Variants in AKT3 observed in about 807,000 individuals in gnomAD.
The protein encoded by AKT3 is RAC-gamma serine/threonine-protein kinase.
In AKT3, 15 loss-of-function variants were observed where a neutral mutation model predicts 65.3. The ratio of observed to expected loss-of-function variants is 0.23; its 90% confidence interval spans 0.15 to 0.35. AKT3 has a LOEUF of 0.35. Ranked by LOEUF, AKT3 falls within the 10% of genes least tolerant of loss-of-function variation. The pLI is 1.00. For synonymous variants in AKT3, 206 were observed against 183.8 expected (o/e 1.12, Z -0.98); for missense variants, 243 against 576.5 (o/e 0.42, Z 5.92).
In AKT3 at chr1:243,672,137, T is replaced by TG. The variant is rs1466909467; in HGVS notation, c.173-7255dup. Among the ~76,000 whole-genome samples the TG allele has an allele frequency of 1.6e-4, 24 of 152,290 alleles. No individual in the cohort carries two copies. The South Asian group carries it at 4.6e-3, about 29-fold the overall frequency. ...TCTGGTTCTCTCCACAGTATAGGGATGGACAGGAATGAGGGTTATCCCCTA... is the reference window on the plus strand; with the variant it reads ...TCTGGTTCTCTCCACAGTATAGGGATGGGACAGGAATGAGGGTTATCCCCTA... On this transcript the variant is annotated intron_variant, in intron 3 of 13. Coordinates refer to ENST00000673466, the MANE Select transcript of AKT3 (RefSeq NM_005465.7).
intron 2 of AKT3, among the ~76,000 whole-genome samples, chr1:243,760,584 G>A (rs888701648): frequency 6.6e-6 from 1 of 152,142 alleles, no homozygotes; most frequent in African/African-American, 2.4e-5. Flanking sequence ...TGCAGGCATA[G>A]AGCAGCAAAA....
At chr1:243,719,576 C>A (rs1403716504) in intron 2 of AKT3, among the ~76,000 whole-genome samples, 1 of 152,162 alleles carries the variant, frequency 6.6e-6, no homozygotes, top group African/African-American at 2.4e-5. Context: ...AGAGGTAAAT[C>A]ATGACAACTT....
chr1:243,615,496 C>G (rs1465286268), intron 6 of AKT3, among the ~76,000 whole-genome samples: 3 of 152,058 alleles, frequency 2.0e-5, no homozygotes, highest in Non-Finnish European at 4.4e-5. Flanking sequence ...AATTTATCAA[C>G]TAATATTTCT....
At chr1:243,550,009 T>A (rs1337935347) in intron 11 of AKT3, among the ~76,000 whole-genome samples, 1 of 152,212 alleles carries the variant, frequency 6.6e-6, no homozygotes, top group Non-Finnish European at 1.5e-5. Context: ...TCTTTTGCAA[T>A]CCTAGCTATA....
intron 1 of AKT3, 51 bp downstream of exon 1, chr1:243,849,989 G>T: frequency 1.0e-6 from 1 of 976,488 alleles, no homozygotes; most frequent in Non-Finnish European, 1.2e-6. Flanking sequence ...GGCCCGGAGG[G>T]AGTGGAGGCC....
chr1:243,616,058 C>T (rs1473587821), intron 6 of AKT3, among the ~76,000 whole-genome samples: 1 of 151,652 alleles, frequency 6.6e-6, no homozygotes, highest in African/African-American at 2.4e-5. Context: ...GGGTGTTACA[C>T]ATTTTTTTTT....
chr1:243,821,053 C>T (rs1021529256), intron 2 of AKT3, among the ~76,000 whole-genome samples: 3 of 152,104 alleles, frequency 2.0e-5, no homozygotes, highest in African/African-American at 7.2e-5. Flanking sequence ...AGGTCACCTA[C>T]AAGGGAAGCC....
chr1:243,628,409 G>A (rs1030470499), intron 6 of AKT3, among the ~76,000 whole-genome samples: 4 of 151,802 alleles, frequency 2.6e-5, no homozygotes, highest in South Asian at 2.1e-4. Context: ...AAGCAATCCC[G>A]CATCTCAGCC....
intron 13 of AKT3, among the ~76,000 whole-genome samples, chr1:243,489,850 C>G (rs1400598041): frequency 6.6e-6 from 1 of 152,208 alleles, no homozygotes; most frequent in Non-Finnish European, 1.5e-5. Flanking sequence ...GGGCCACCAG[C>G]AGGGAAAAGG....
At chr1:243,779,764 A>G (rs567952124) in intron 2 of AKT3, among the ~76,000 whole-genome samples, 1 of 152,218 alleles carries the variant, frequency 6.6e-6, no homozygotes, top group East Asian at 1.9e-4. Flanking sequence ...CTGCTTCTAG[A>G]GGTAGGAAAG....
At chr1:243,784,972 C>A (rs1238492924) in intron 2 of AKT3, among the ~76,000 whole-genome samples, 1 of 152,054 alleles carries the variant, frequency 6.6e-6, no homozygotes, top group Admixed American at 6.6e-5. Flanking sequence ...CGATATTGCC[C>A]AGGCTGGATT....
chr1:243,747,627 T>G (rs1688555066), intron 2 of AKT3, among the ~76,000 whole-genome samples: 2 of 152,198 alleles, frequency 1.3e-5, no homozygotes, highest in African/African-American at 4.8e-5. Context: ...GGGAGATATC[T>G]TCAATGAACA....
In AKT3 at chr1:243,748,171, TTG is replaced by T. The variant is rs764371957; in HGVS notation, c.47-52457_47-52456del. The stretch of plus-strand genomic sequence containing the variant: ...ATGGTTTGCTGGTGTGTCTGGTTTT[TTG>T]TGTTTTAATATTTATATTGCATAGC... On this transcript the variant is annotated intron_variant, in intron 2 of 13. Transcript: ENST00000673466. Among the ~76,000 whole-genome samples, 127 of 152,314 alleles carry T rather than the reference TTG, an allele frequency of 8.3e-4. 1 individual carries two copies. Among genetic ancestry groups the T allele is most frequent in the African/African-American group, 2.1e-3 (88 of 41,580 alleles).
rs1170697251 is a variant in AKT3, at chr1:243,613,054, A to T, written c.696+617T>A. 7 of 119,758 alleles carry T rather than the reference A, an allele frequency of 5.8e-5. No homozygotes were observed. The Admixed American group carries it at 6.9e-4, about 12-fold the overall frequency. 7.4% of individuals were successfully genotyped at this position (119,758 alleles called of 1,614,324 possible). ...CTCCATCTCAAAAAAAAAAAAAAAA[A>T]AATTATATATATATATATATATACA... On this transcript the variant is annotated intron_variant, in intron 8 of 13. Coordinates refer to ENST00000673466, the MANE Select transcript of AKT3 (RefSeq NM_005465.7).
intron 12 of AKT3, among the ~76,000 whole-genome samples, chr1:243,532,964 C>T (rs529150395): frequency 7.9e-5 from 12 of 152,096 alleles, no homozygotes; most frequent in Non-Finnish European, 1.6e-4. Context: ...ATCTTATAAC[C>T]CTTTCTATTT....
chr1:243,699,514 A>ATATATATATAT lies in AKT3; in HGVS notation c.47-3799_47-3798insATATATATATA, dbSNP rs1685304874. 1.0e-4 allele frequency among the ~76,000 whole-genome samples: 10 copies of ATATATATATAT among 96,718 alleles called. 1 individual carries two copies. The highest frequency in any genetic ancestry group is 4.9e-4 in the African/African-American group (9 of 18,256). 63.5% of individuals were successfully genotyped at this position (96,718 alleles called of 152,430 possible). ...ATATATATATATATATATATATATA[A>ATATATATATAT]TCTTCATGGGTGCTTCCACTTCTTT... On this transcript the variant is annotated intron_variant, in intron 2 of 13. Coordinates refer to ENST00000673466, the MANE Select transcript of AKT3 (RefSeq NM_005465.7).
chr1:243,735,524 T>G (rs1198327548), intron 2 of AKT3: 1 of 152,224 alleles, frequency 6.6e-6, no homozygotes, highest in African/African-American at 2.4e-5. Context: ...TTTGTAACAT[T>G]ACTTTATACC....
intron 2 of AKT3, among the ~76,000 whole-genome samples, chr1:243,759,354 T>C (rs200043922): frequency 1.5e-5 from 2 of 130,478 alleles, no homozygotes; most frequent in African/African-American, 5.1e-5. Flanking sequence ...TTAAATTAAA[T>C]TAAAAATAAA....
At chr1:243,739,095 G>A (rs944789200) in intron 2 of AKT3, among the ~76,000 whole-genome samples, 1 of 152,056 alleles carries the variant, frequency 6.6e-6, no homozygotes, top group Admixed American at 6.6e-5. Flanking sequence ...CTCTCATCTA[G>A]ATTCCTATGA....
Sources: allele counts gnomAD v4.1 joint callset (sites outside exome capture counted in the v4.1 genomes callset), GRCh38; gene constraint gnomAD v4.1.1; transcripts MANE v1.5; gene names NCBI Gene and HGNC (gene_info 2026-07-23, HGNC 2026-07-21).